The following CNIH3 variants were observed in gnomAD, a reference collection of about 807,000 sequenced individuals.
CNIH3 encodes the protein protein cornichon homolog 3.
In CNIH3, 14 loss-of-function variants were observed where a neutral mutation model predicts 24.1. The observed-to-expected ratio is 0.58, with a 90% CI of 0.38 to 0.91. The LOEUF is 0.91. Ranked by LOEUF, CNIH3 falls within the 40% of genes least tolerant of loss-of-function variation. The pLI is 0.00. For synonymous variants in CNIH3, 68 were observed against 73.8 expected (o/e 0.92, Z 0.40); for missense variants, 178 against 196.8 (o/e 0.90, Z 0.57).
At chr1:224,462,713 C>A (rs1294132006) in intron 1 of CNIH3, among the ~76,000 whole-genome samples, 1 of 144,794 alleles carries the variant, frequency 6.9e-6, no homozygotes, top group Non-Finnish European at 1.5e-5. Flanking sequence ...GATCACGGCT[C>A]ACCAGAGCCT....
chr1:224,728,644 C>T (rs557387344), intron 3 of CNIH3, among the ~76,000 whole-genome samples: 2 of 152,288 alleles, frequency 1.3e-5, no homozygotes, highest in African/African-American at 4.8e-5. Context: ...TGTGTTTCTC[C>T]CTCTGTGTCT....
intron 2 of CNIH3, among the ~76,000 whole-genome samples, chr1:224,527,042 T>C (rs1012802917): frequency 2.4e-4 from 36 of 152,192 alleles, no homozygotes; most frequent in African/African-American, 8.7e-4. Flanking sequence ...GGGGATTATA[T>C]TTCAACCTGA....
At chr1:224,711,324 CT>C (rs561477816) in intron 3 of CNIH3, among the ~76,000 whole-genome samples, 168 of 144,620 alleles carry the variant, frequency 1.2e-3, no homozygotes, top group African/African-American at 1.3e-3. Flanking sequence ...CTCTCTCTCT[CT>C]TTTTTTTTTT....
chr1:224,550,386 G>A (rs1197978858), intron 3 of CNIH3, among the ~76,000 whole-genome samples: 2 of 152,094 alleles, frequency 1.3e-5, no homozygotes, highest in Admixed American at 6.6e-5. Flanking sequence ...ATATCAGAGC[G>A]AAGATATTAC....
chr1:224,576,788 T>C (rs1305844574), intron 4 of CNIH3, among the ~76,000 whole-genome samples: 1 of 152,170 alleles, frequency 6.6e-6, no homozygotes, highest in African/African-American at 2.4e-5. Context: ...AAAACAAATC[T>C]AGAGACATCA....
intron 1 of CNIH3, among the ~76,000 whole-genome samples, chr1:224,680,229 G>C (rs1479754767): frequency 6.6e-6 from 1 of 152,238 alleles, no homozygotes; most frequent in Non-Finnish European, 1.5e-5. Flanking sequence ...GGTAGCTGTG[G>C]TGAGGATGTG....
At chr1:224,601,245 C>G (rs767077136) in intron 3 of CNIH3, among the ~76,000 whole-genome samples, 4 of 152,152 alleles carry the variant, frequency 2.6e-5, no homozygotes, top group Non-Finnish European at 4.4e-5. Flanking sequence ...GTTGGGCTGT[C>G]CGCATGCTCA....
chr1:224,590,688 C>G (rs1032897699), downstream of CNIH3, among the ~76,000 whole-genome samples: 3 of 152,152 alleles, frequency 2.0e-5, no homozygotes, highest in South Asian at 2.1e-4. Context: ...AACACCCCCC[C>G]TTAGGTCTCA....
chr1:224,714,877 G>T (rs1015439094), intron 3 of CNIH3, among the ~76,000 whole-genome samples: 6 of 152,302 alleles, frequency 3.9e-5, no homozygotes, highest in Admixed American at 6.5e-5. Flanking sequence ...CCACAACTTT[G>T]CCTGTAGGTT....
At chr1:224,705,668 C>T (rs2125185265) in intron 3 of CNIH3, among the ~76,000 whole-genome samples, 1 of 152,248 alleles carries the variant, frequency 6.6e-6, no homozygotes, top group Middle Eastern at 3.4e-3. Flanking sequence ...TCTGTTCTCT[C>T]TGTAGCAGCA....
intron 1 of CNIH3, among the ~76,000 whole-genome samples, chr1:224,466,118 C>T (rs1354022106): frequency 2.6e-5 from 4 of 152,146 alleles, no homozygotes; most frequent in African/African-American, 9.7e-5. Context: ...GTTACACATG[C>T]ACTCATTTGT....
intron 2 of CNIH3, among the ~76,000 whole-genome samples, chr1:224,527,777 A>G (rs1350464880): frequency 6.6e-6 from 1 of 152,208 alleles, no homozygotes; most frequent in Non-Finnish European, 1.5e-5. Flanking sequence ...ACTGTACATT[A>G]GATGCATCAA....
At chr1:224,543,511 G>C (rs889908405) in intron 2 of CNIH3, among the ~76,000 whole-genome samples, 1 of 152,172 alleles carries the variant, frequency 6.6e-6, no homozygotes, top group African/African-American at 2.4e-5. Flanking sequence ...CTTGCAGCTG[G>C]TTTCTAAATA....
chr1:224,575,954 G>A (rs911290423), intron 4 of CNIH3, among the ~76,000 whole-genome samples: 2 of 152,102 alleles, frequency 1.3e-5, no homozygotes, highest in East Asian at 3.9e-4. Context: ...ACATATAAAA[G>A]GGAACTTTAT....
intron 1 of CNIH3, among the ~76,000 whole-genome samples, chr1:224,498,771 G>A (rs895786500): frequency 1.3e-5 from 2 of 152,218 alleles, no homozygotes; most frequent in African/African-American, 4.8e-5. Context: ...AAGATGCGGG[G>A]GGCAAGGAAC....
intron 1 of CNIH3, among the ~76,000 whole-genome samples, chr1:224,631,848 G>A (rs879365145): frequency 6.6e-6 from 1 of 152,088 alleles, no homozygotes; most frequent in Non-Finnish European, 1.5e-5. Context: ...ATTGGCAACT[G>A]ATTCATGAAC....
rs1043781394 is a variant in CNIH3, at chr1:224,566,573, A to G, written n.516+309A>G. 6.3e-4 allele frequency among the ~76,000 whole-genome samples: 96 copies of G among 151,840 alleles called. 5 individuals carry two copies. Among genetic ancestry groups the G allele is most frequent in the Non-Finnish European group, 2.9e-5 (2 of 67,974 alleles). On this transcript the variant is annotated intron_variant and non_coding_transcript_variant, in intron 4 of 5. Transcript: ENST00000471578. ...GTGTGATATTCCCTTCCCTGTGTCT[A>G]TGCTCTTCTTCCTCAACTCCCACTT...
chr1:224,639,428 T>C (rs1290290586), intron 1 of CNIH3, among the ~76,000 whole-genome samples: 1 of 152,236 alleles, frequency 6.6e-6, no homozygotes, highest in African/African-American at 2.4e-5. Flanking sequence ...TAATGGAAAG[T>C]CTTGAGTTCC....
Position 224,686,488 on chromosome 1 carries a change from G to C in CNIH3, c.198+1645G>C, listed in dbSNP as rs187467493. On this transcript the variant is annotated intron_variant, in intron 3 of 5. Coordinates refer to ENST00000272133, the MANE Select transcript of CNIH3 (RefSeq NM_152495.2). Reference sequence around the variant, plus strand: ...ACATACGTGTGCATGTGTCTTTATAGCAGCATGATTTATAATCCTTTGGGT... The same window carrying C: ...ACATACGTGTGCATGTGTCTTTATACCAGCATGATTTATAATCCTTTGGGT... Among the ~76,000 whole-genome samples the C allele has an allele frequency of 2.8e-3, 424 of 152,298 alleles. 1 individual carries two copies. The highest frequency in any genetic ancestry group is 4.8e-3 in the Non-Finnish European group (326 of 68,038).
Sources: gnomAD v4.1 joint callset for allele counts (sites outside exome capture counted in the v4.1 genomes callset) on GRCh38, gnomAD v4.1.1 for gene constraint, MANE v1.5 for transcripts, NCBI Gene and HGNC (gene_info 2026-07-23, HGNC 2026-07-21) for gene names.